The following CFAP299 variants were observed in gnomAD, a reference collection of about 807,000 sequenced individuals.
The protein encoded by CFAP299 is cilia and flagella associated protein 299, also known as cilia- and flagella-associated protein 299.
CFAP299 carries 21 observed loss-of-function variants against 27.0 expected under a neutral mutation model. The ratio of observed to expected loss-of-function variants is 0.78; its 90% confidence interval spans 0.55 to 1.12. The LOEUF is 1.12. CFAP299 is among the 50% of genes most tolerant of loss of function. CFAP299 has a pLI of 0.00. For synonymous variants in CFAP299, 104 were observed against 98.1 expected (o/e 1.06, Z -0.36); for missense variants, 310 against 276.6 (o/e 1.12, Z -0.86).
chr4:80,737,691 G>T (rs568137190), intron 3 of CFAP299, among the ~76,000 whole-genome samples: 1 of 151,306 alleles, frequency 6.6e-6, no homozygotes, highest in South Asian at 2.1e-4. Flanking sequence ...CTGGATGAAG[G>T]TTTATCAACT....
intron 4 of CFAP299, among the ~76,000 whole-genome samples, chr4:80,898,814 T>G (rs1431692305): frequency 1.3e-5 from 2 of 152,068 alleles, no homozygotes; most frequent in Non-Finnish European, 2.9e-5. Context: ...ACTTAAACAA[T>G]TTTTTAGGTA....
At chr4:80,871,785 A>G (rs1344416920) in intron 4 of CFAP299, 2 of 319,586 alleles carry the variant, frequency 6.3e-6, no homozygotes, top group Non-Finnish European at 9.0e-6. Flanking sequence ...ACATCTTGGC[A>G]TTATCATACC....
intron 3 of CFAP299, among the ~76,000 whole-genome samples, chr4:80,772,547 TA>T (rs912882327): frequency 6.6e-6 from 1 of 151,114 alleles, no homozygotes; most frequent in African/African-American, 2.5e-5. Flanking sequence ...CAATAGGCAC[TA>T]TTTTTTTTTT....
chr4:80,755,168 G>A (rs1177040179), intron 3 of CFAP299, among the ~76,000 whole-genome samples: 1 of 151,940 alleles, frequency 6.6e-6, no homozygotes, highest in African/African-American at 2.4e-5. Flanking sequence ...TATTATTTTT[G>A]TCTGATTATG....
At chr4:80,386,904 T>G in intron 2 of CFAP299, 1 of 842,926 alleles carries the variant, frequency 1.2e-6, no homozygotes, top group Non-Finnish European at 2.1e-6. Flanking sequence ...TTTGTAGGGC[T>G]TCTCGCCTGA....
chr4:80,435,204 C>T (rs952171076), intron 2 of CFAP299, among the ~76,000 whole-genome samples: 11 of 152,094 alleles, frequency 7.2e-5, no homozygotes, highest in Non-Finnish European at 1.2e-4. Context: ...AAGCTCAATG[C>T]CCTGCCAGAT....
intron 4 of CFAP299, among the ~76,000 whole-genome samples, chr4:80,901,089 G>T (rs534662394): frequency 6.6e-6 from 1 of 151,998 alleles, no homozygotes; most frequent in Admixed American, 6.6e-5. Context: ...AGTAAACAAT[G>T]GTATACAGAG....
intron 2 of CFAP299, among the ~76,000 whole-genome samples, chr4:80,464,338 T>C (rs1729606119): frequency 6.6e-6 from 1 of 152,234 alleles, no homozygotes; most frequent in South Asian, 2.1e-4. Flanking sequence ...TTTTACTCTT[T>C]TGTGCTTCTA....
chr4:80,486,943 G>A lies in CFAP299; in HGVS notation c.243-96150G>A, dbSNP rs78074900. On this transcript the variant is annotated intron_variant, in intron 2 of 5. Coordinates refer to ENST00000358105, the MANE Select transcript of CFAP299 (RefSeq NM_152770.3). ...AGAGATTAAATGTCAGTAATGCACA[G>A]TAGTGTGGCTCAAAGTGGGAGAAGA... Among the ~76,000 whole-genome samples, 891 of 152,346 alleles carry A rather than the reference G, an allele frequency of 5.8e-3. 6 individuals carry two copies. The highest frequency in any genetic ancestry group is 0.02 in the African/African-American group (842 of 41,578).
intron 3 of CFAP299, among the ~76,000 whole-genome samples, chr4:80,810,579 G>A (rs914762313): frequency 2.6e-5 from 4 of 151,948 alleles, no homozygotes; most frequent in African/African-American, 9.7e-5. Flanking sequence ...GAGACTGGAG[G>A]GATGCATCTA....
At chr4:80,390,869 A>G (rs1209592132) in intron 2 of CFAP299, among the ~76,000 whole-genome samples, 1 of 118,428 alleles carries the variant, frequency 8.4e-6, no homozygotes, top group Non-Finnish European at 1.8e-5. Flanking sequence ...GTATATGCGC[A>G]CATATATGTA....
At chr4:80,752,750 T>C (rs995680414) in intron 3 of CFAP299, among the ~76,000 whole-genome samples, 6 of 152,020 alleles carry the variant, frequency 3.9e-5, no homozygotes, top group African/African-American at 1.4e-4. Context: ...TTTTACAATT[T>C]TATTTTATCT....
chr4:80,624,198 GT>G (rs1738759258), intron 3 of CFAP299, among the ~76,000 whole-genome samples: 1 of 151,902 alleles, frequency 6.6e-6, no homozygotes, highest in Non-Finnish European at 1.5e-5. Context: ...CAAAATAACT[GT>G]TTTAAGGAAG....
At chr4:80,870,732 C>G (rs2110168432) in intron 4 of CFAP299, 1 of 985,458 alleles carries the variant, frequency 1.0e-6, no homozygotes, top group East Asian at 1.1e-4. Context: ...TTTATTCCCT[C>G]TTACTTAACT....
At chr4:80,342,289 C>A (rs1722497128) in intron 1 of CFAP299, among the ~76,000 whole-genome samples, 13 of 152,040 alleles carry the variant, frequency 8.6e-5, no homozygotes, top group Admixed American at 8.5e-4. Flanking sequence ...AGAAGATAGG[C>A]CAACATTCAG....
intron 3 of CFAP299, among the ~76,000 whole-genome samples, chr4:80,618,123 GAAAC>G (rs1738392087): frequency 6.6e-6 from 1 of 152,042 alleles, no homozygotes; most frequent in South Asian, 2.1e-4. Context: ...GGGTAATAAT[GAAAC>G]CCTGATAGCA....
In CFAP299 at chr4:80,459,165, T is replaced by G. The variant is rs1225483378; in HGVS notation, c.242+96281T>G. Among the ~76,000 whole-genome samples the G allele has an allele frequency of 2.0e-5, 3 of 152,036 alleles. No homozygotes were observed. The East Asian group carries it at 5.8e-4, about 29-fold the overall frequency. On this transcript the variant is annotated intron_variant, in intron 2 of 5. Transcript: ENST00000358105. ...CCCTGGCTAATTAAAACAATTTTAG[T>G]TTTTTGTAGAGATAGGGTCTCCCTA...
intron 3 of CFAP299, among the ~76,000 whole-genome samples, chr4:80,650,436 A>T (rs1740224656): frequency 6.6e-6 from 1 of 152,022 alleles, no homozygotes. Flanking sequence ...GCATCTTTTA[A>T]TATTCAAAAT....
At chr4:80,745,012 A>G (rs929569262) in intron 3 of CFAP299, among the ~76,000 whole-genome samples, 1 of 152,110 alleles carries the variant, frequency 6.6e-6, no homozygotes, top group Non-Finnish European at 1.5e-5. Context: ...AAAATTTCTA[A>G]TCTACTCTGT....
Sources: allele counts gnomAD v4.1 joint callset (sites outside exome capture counted in the v4.1 genomes callset), GRCh38; gene constraint gnomAD v4.1.1; transcripts MANE v1.5; gene names NCBI Gene and HGNC (gene_info 2026-07-23, HGNC 2026-07-21).